The following KCNMB3 variants were observed in gnomAD, a reference collection of about 807,000 sequenced individuals.
KCNMB3 encodes potassium calcium-activated channel subfamily M regulatory beta subunit 3, also known as calcium-activated potassium channel subunit beta-3.
A neutral mutation model predicts 11.9 loss-of-function variants in KCNMB3; 18 were observed. The observed-to-expected ratio is 1.51, with a 90% CI of 1.04 to 2.23. KCNMB3 has a LOEUF of 2.23. Ranked by LOEUF, KCNMB3 falls within the 30% of genes most tolerant of loss-of-function variation. The pLI is 0.00. For missense variants in KCNMB3, 247 were observed against 329.4 expected (o/e 0.75, Z 1.94); for synonymous variants, 78 against 119.2 (o/e 0.65, Z 2.25).
intron 1 of KCNMB3, chr3:179,260,361 G>C (rs1223359762): frequency 6.2e-6 from 10 of 1,613,948 alleles, no homozygotes; most frequent in Non-Finnish European, 7.6e-6. Flanking sequence ...ACCTGCTAAG[G>C]TTCCTAGGAA....
upstream of KCNMB3, among the ~76,000 whole-genome samples, chr3:179,256,593 G>T (rs889059885): frequency 6.6e-6 from 1 of 151,958 alleles, no homozygotes; most frequent in East Asian, 1.9e-4. Context: ...GAAAAATAAA[G>T]ACATTAATTT....
upstream of KCNMB3, among the ~76,000 whole-genome samples, chr3:179,254,787 C>T (rs992645228): frequency 4.6e-5 from 7 of 152,026 alleles, no homozygotes; most frequent in African/African-American, 1.4e-4. Flanking sequence ...AGCGACAGAG[C>T]AAGACTCGTC....
chr3:179,261,140 A>C, intron 1 of KCNMB3: 1 of 1,336,504 alleles, frequency 7.5e-7, no homozygotes, highest in Non-Finnish European at 1.0e-6. Flanking sequence ...CTGCCGCTCC[A>C]GCTCCTTCAT....
upstream of KCNMB3, among the ~76,000 whole-genome samples, chr3:179,252,428 A>T (rs1275170572): frequency 1.3e-5 from 2 of 152,120 alleles, no homozygotes; most frequent in Non-Finnish European, 1.5e-5. Context: ...TTTTTCCCAC[A>T]AGCATAGTTT....
chr3:179,260,150 A>G lies in KCNMB3; in HGVS notation c.62+6499T>C, dbSNP rs956430735. The G allele has an allele frequency of 1.1e-5, 17 of 1,609,560 alleles. No homozygotes were observed. The African/African-American group carries it at 1.9e-4, about 18-fold the overall frequency. Reference sequence around the variant, plus strand: ...AGGCCACTGTGTCTGCCTGCTCTCCAACCTGAGTCACCGCTGCCTCTCCCA... The same window carrying G: ...AGGCCACTGTGTCTGCCTGCTCTCCGACCTGAGTCACCGCTGCCTCTCCCA... On this transcript the variant is annotated intron_variant, in intron 1 of 3. Transcript: ENST00000349697.
At chr3:179,258,879 C>G in intron 1 of KCNMB3, 2 of 1,586,366 alleles carry the variant, frequency 1.3e-6, no homozygotes, top group Non-Finnish European at 1.7e-6. Flanking sequence ...CAGTCTATAA[C>G]TTAAAGCAGT....
chr3:179,256,165 G>C (rs73187299), upstream of KCNMB3, among the ~76,000 whole-genome samples: 21,254 of 152,298 alleles, frequency 0.14, 1,591 homozygotes, highest in Non-Finnish European at 0.18. Flanking sequence ...GCTGGACACA[G>C]TGGCTCACGC....
At chr3:179,264,216 C>T (rs905307353) in intron 1 of KCNMB3, among the ~76,000 whole-genome samples, 2 of 152,246 alleles carry the variant, frequency 1.3e-5, no homozygotes, top group Admixed American at 6.5e-5. Flanking sequence ...ATTAACAATT[C>T]TTTGTAATCC....
At chr3:179,247,491 C>T (rs905697759) in intron 1 of KCNMB3, among the ~76,000 whole-genome samples, 1 of 151,656 alleles carries the variant, frequency 6.6e-6, no homozygotes, top group South Asian at 2.1e-4. Flanking sequence ...TGAGATCCCA[C>T]TTCTTAAAAA....
Position 179,244,630 on chromosome 3 carries a change from G to A in KCNMB3, c.312C>T (p.Asp104=). 3 of 1,614,122 alleles carry A rather than the reference G, an allele frequency of 1.9e-6. No homozygotes were observed. Among genetic ancestry groups the A allele is most frequent in the Non-Finnish European group, 2.5e-6 (3 of 1,180,012 alleles). The change falls in exon 2 of 3, where the codon GAC becomes GAT. Residue 104 remains aspartate, a synonymous_variant. Coordinates refer to ENST00000392685, the MANE Select transcript of KCNMB3 (RefSeq NM_171830.2). ...AGTGCACACCACAGGTGAAGGCACA[G>A]TCCAGCCAGTCGTCCATGATATCTG... is the stretch of plus-strand genomic sequence containing the variant. ...IHTDIMDDWL[D]CAFTCGVHCH...
chr3:179,263,999 T>A (rs1303735618), intron 1 of KCNMB3, among the ~76,000 whole-genome samples: 2 of 151,874 alleles, frequency 1.3e-5, no homozygotes, highest in African/African-American at 4.8e-5. Context: ...AGAAACGGGT[T>A]TTCACCATGT....
Position 179,244,719 on chromosome 3 carries a change from TCTTCA to T in KCNMB3, c.249-31_249-27del, listed in dbSNP as rs758858915. On this transcript the variant is annotated intron_variant, in intron 1 of 2. Coordinates refer to ENST00000392685, the MANE Select transcript of KCNMB3 (RefSeq NM_171830.2). The stretch of plus-strand genomic sequence containing the variant: ...CTTCAATTTGAAAAAAAAAAAATGT[TCTTCA>T]CTTATTAGAAAATTTCATTCTACAT... 5.1e-6 allele frequency: 8 copies of T among 1,578,126 alleles called. No homozygotes were observed. The South Asian group carries it at 5.5e-5, about 11-fold the overall frequency.
intron 1 of KCNMB3, chr3:179,259,858 C>CCTTG (rs918109428): frequency 6.2e-7 from 1 of 1,612,726 alleles, no homozygotes; most frequent in African/African-American, 1.3e-5. Context: ...GCCTCCTGAC[C>CCTTG]CTTGCTCTCA....
rs1383521883 is a variant in KCNMB3, at chr3:179,246,036, T to C, written c.249-1343A>G. On this transcript the variant is annotated intron_variant, in intron 1 of 2. Transcript: ENST00000392685. ...ACCAGCTCTTCATATACCCTCACAC[T>C]CACATATAGGTGGACTCCTGTGTTT... Among the ~76,000 whole-genome samples, 3 of 152,200 alleles carry C rather than the reference T, an allele frequency of 2.0e-5. No individual in the cohort carries two copies. In the East Asian group the frequency reaches 5.8e-4, roughly 29 times the overall value.
intron 1 of KCNMB3, among the ~76,000 whole-genome samples, chr3:179,250,164 A>G (rs917377020): frequency 1.6e-4 from 25 of 152,186 alleles, no homozygotes; most frequent in Non-Finnish European, 2.5e-4. Context: ...AGGAGGAGAA[A>G]GAGGAGGGAT....
At position 179,242,918 on chromosome 3, in the gene KCNMB3, C is replaced by A; in HGVS notation, c.814G>T (p.Ala272Ser). The change falls in exon 3 of 3, where the codon GCA becomes TCA. Residue 272 changes from alanine (A) to serine (S), a missense_variant. Ala to Ser is a moderately conservative substitution (Grantham distance 99). Coordinates refer to ENST00000392685, the MANE Select transcript of KCNMB3 (RefSeq NM_171830.2). The stretch of plus-strand genomic sequence containing the variant: ...TGGCCACCGTCTTAAGATTTCTCTG[C>A]TCTTCCTTTGCTCCTCCTCATAATG... ...LCIMRRSKGR[A>S]EKS 1 of 1,598,826 alleles carries A rather than the reference C, an allele frequency of 6.3e-7. No individual in the cohort carries two copies. The highest frequency in any genetic ancestry group is 8.5e-7 in the Non-Finnish European group (1 of 1,172,844).
downstream of KCNMB3, chr3:179,242,691 G>C: frequency 1.2e-6 from 1 of 828,492 alleles, no homozygotes. Flanking sequence ...AGCTCATTTG[G>C]AAAGAGATTG....
downstream of KCNMB3, chr3:179,242,094 C>G (rs1330952469): frequency 1.3e-5 from 2 of 152,844 alleles, no homozygotes; most frequent in Non-Finnish European, 2.9e-5. Context: ...GCTGTCTAGA[C>G]TGGTAAAGAA....
chr3:179,255,734 A>G (rs1725991109), upstream of KCNMB3, among the ~76,000 whole-genome samples: 1 of 152,244 alleles, frequency 6.6e-6, no homozygotes, highest in African/African-American at 2.4e-5. Flanking sequence ...GGAATAAAAT[A>G]AAGAGGAACC....
Sources: gnomAD v4.1 joint callset for allele counts (sites outside exome capture counted in the v4.1 genomes callset) on GRCh38, gnomAD v4.1.1 for gene constraint, MANE v1.5 for transcripts, NCBI Gene and HGNC (gene_info 2026-07-23, HGNC 2026-07-21) for gene names.